BBS2: variants seen among roughly 807,000 people sequenced by gnomAD.
BBS2 encodes the protein Bardet-Biedl syndrome 2, also known as BBSome complex member BBS2.
A neutral mutation model predicts 83.0 loss-of-function variants in BBS2; 62 were observed. The ratio of observed to expected loss-of-function variants is 0.75; its 90% CI spans 0.61 to 0.92. BBS2 has a LOEUF of 0.92. Among genes scored for constraint, BBS2 ranks in the 40% least tolerant of loss-of-function variants. The pLI, the probability that BBS2 is intolerant of heterozygous loss-of-function variation, is 0.00. For missense variants in BBS2, 784 were observed against 901.0 expected (o/e 0.87, Z 1.66); for synonymous variants, 303 against 326.1 (o/e 0.93, Z 0.76).
intron 14 of BBS2, 183 bp downstream of exon 14, chr16:56,497,560 T>C: frequency 1.3e-6 from 1 of 752,028 alleles, no homozygotes; most frequent in Admixed American, 2.5e-5. Flanking sequence ...AGCTAAACAC[T>C]TCCTTTTATA....
chr16:56,475,823 T>G (rs562480119), intron 17 of BBS2, among the ~76,000 whole-genome samples: 20 of 152,302 alleles, frequency 1.3e-4, no homozygotes, highest in African/African-American at 4.6e-4. Context: ...TACAATGTAG[T>G]AAGAAATAAA....
rs552744655 is a variant in BBS2, at chr16:56,503,876, G to A, written c.805-1068C>T. The stretch of plus-strand genomic sequence containing the variant: ...GGAGGTTGCAGTGAGCCGAGATTGC[G>A]CCACTGCACTCCAGCCTGGGTGACA... On this transcript the variant is annotated intron_variant, in intron 7 of 16. Coordinates refer to ENST00000245157, the MANE Select transcript of BBS2 (RefSeq NM_031885.5). 1.5e-4 allele frequency among the ~76,000 whole-genome samples: 22 copies of A among 149,746 alleles called. No individual in the cohort carries two copies. The East Asian group carries it at 3.5e-3, about 24-fold the overall frequency.
At chr16:56,480,349 AC>A (rs1963630655), downstream of BBS2, among the ~76,000 whole-genome samples, 2 of 127,678 alleles carry the variant, frequency 1.6e-5, no homozygotes, top group Non-Finnish European at 1.6e-5. Context: ...ACACACACAC[AC>A]ACAAAAAAAA....
chr16:56,509,733 C>T (rs548494603), intron 5 of BBS2: 82 of 525,024 alleles, frequency 1.6e-4, no homozygotes, highest in African/African-American at 1.4e-3. Context: ...CAACTATATG[C>T]AATAATTTTT....
At chr16:56,490,140 AC>A (rs1327891317) in intron 15 of BBS2, among the ~76,000 whole-genome samples, 1 of 151,818 alleles carries the variant, frequency 6.6e-6, no homozygotes. Context: ...ACACACACAC[AC>A]ACACACACAA....
chr16:56,514,546 G>A lies in BBS2; in HGVS notation c.252C>T (p.Asn84=). ...AVSCLTAGVL[N]PELGYDALLV... ...AAAGGGCATCATAGCCAAGCTCAGG[G>A]TTCAATACGCCTGCAGTCAGACAGC... Residue 84 remains asparagine, a synonymous_variant, in exon 2 of 17, where the codon AAC becomes AAT. Transcript: ENST00000245157. 6.2e-7 allele frequency: 1 copy of A among 1,614,150 alleles called. No individual in the cohort carries two copies. The highest frequency in any genetic ancestry group is 8.5e-7 in the Non-Finnish European group (1 of 1,180,014).
chr16:56,501,028 G>A lies in BBS2; in HGVS notation c.1226-3C>T. On this transcript the variant is annotated splice_polypyrimidine_tract_variant and splice_region_variant and intron_variant, in intron 10 of 16. Coordinates refer to ENST00000245157, the MANE Select transcript of BBS2 (RefSeq NM_031885.5). ...CAATACTGCTCGGATGATGGTGTCTGCAGGGAAGAGTAAAAACAGTTTAAG... is the reference window on the plus strand; with the variant it reads ...CAATACTGCTCGGATGATGGTGTCTACAGGGAAGAGTAAAAACAGTTTAAG... The A allele has an allele frequency of 6.2e-7, 1 of 1,614,156 alleles. No homozygotes were observed. The highest frequency in any genetic ancestry group is 1.6e-4 in the Middle Eastern group (1 of 6,062).
downstream of BBS2, among the ~76,000 whole-genome samples, chr16:56,483,204 G>A (rs1963690403): frequency 6.6e-6 from 1 of 152,182 alleles, no homozygotes; most frequent in Admixed American, 6.5e-5. Flanking sequence ...CTAAGTATTT[G>A]TGTAATTATA....
chr16:56,498,432 A>G lies in BBS2; in HGVS notation c.1659+5T>C, dbSNP rs767182524. ...AAATCTATGCCCCGTGATATTAAAC[A>G]TTACCTCTCCACTAAGTTTTATTTT... On this transcript the variant is annotated splice_donor_5th_base_variant and intron_variant, in intron 13 of 16. Transcript: ENST00000245157. 1 of 1,613,910 alleles carries G rather than the reference A, an allele frequency of 6.2e-7. No individual in the cohort carries two copies. Among genetic ancestry groups the G allele is most frequent in the South Asian group, 1.1e-5 (1 of 91,060 alleles).
At chr16:56,511,319 C>T (rs778202612) in intron 2 of BBS2, 35 bp from the exon 3 acceptor site, 38 of 1,611,594 alleles carry the variant, frequency 2.4e-5, no homozygotes, top group East Asian at 8.9e-5. Flanking sequence ...ATCTTAGACA[C>T]GATAATATGC....
chr16:56,480,375 A>AC (rs1567561819), downstream of BBS2, among the ~76,000 whole-genome samples: 4 of 150,582 alleles, frequency 2.7e-5, no homozygotes, highest in African/African-American at 9.8e-5. Flanking sequence ...ACAAAAAAAA[A>AC]AACAAAGCTT....
At chr16:56,486,586 C>T (rs1307877997) in intron 15 of BBS2, among the ~76,000 whole-genome samples, 1 of 151,826 alleles carries the variant, frequency 6.6e-6, no homozygotes, top group East Asian at 1.9e-4. Context: ...TGAATGAAGC[C>T]AGACTCAAAA....
chr16:56,504,022 A>T (rs1322376589), intron 7 of BBS2, among the ~76,000 whole-genome samples: 1 of 152,224 alleles, frequency 6.6e-6, no homozygotes, highest in Non-Finnish European at 1.5e-5. Flanking sequence ...TCGATGACCA[A>T]TGCTACTCAC....
chr16:56,486,588 G>A (rs1389382191), intron 15 of BBS2, among the ~76,000 whole-genome samples: 1 of 152,032 alleles, frequency 6.6e-6, no homozygotes, highest in East Asian at 1.9e-4. Context: ...AATGAAGCCA[G>A]ACTCAAAAGG....
rs570325276 is a variant in BBS2, at chr16:56,511,589, T to G, written c.346-305A>C. 2.4e-3 allele frequency among the ~76,000 whole-genome samples: 367 copies of G among 152,286 alleles called. 6 individuals carry two copies. The highest frequency in any genetic ancestry group is 8.2e-3 in the African/African-American group (341 of 41,574). On this transcript the variant is annotated intron_variant, in intron 2 of 16. Transcript: ENST00000245157. Reference sequence around the variant, plus strand: ...AGCAGACAGCCTTTGTACTTGAGCTTCAACATCAATTCTCTCCTAGATCTC... The same window carrying G: ...AGCAGACAGCCTTTGTACTTGAGCTGCAACATCAATTCTCTCCTAGATCTC...
intron 5 of BBS2, among the ~76,000 whole-genome samples, chr16:56,508,193 T>A (rs1206917729): frequency 2.0e-4 from 30 of 152,350 alleles, no homozygotes; most frequent in Admixed American, 1.8e-3. Flanking sequence ...TATGTCAATG[T>A]GTAGGTTTTG....
At position 56,515,057 on chromosome 16, in the gene BBS2, G is replaced by A. The variant is rs1453757256; in HGVS notation, c.118-377C>T. Among the ~76,000 whole-genome samples, 8 of 152,210 alleles carry A rather than the reference G, an allele frequency of 5.3e-5. No homozygotes were observed. In the East Asian group the frequency reaches 1.5e-3, roughly 29 times the overall value. The stretch of plus-strand genomic sequence containing the variant: ...GATTGCCACACACCAAGAAGATCAT[G>A]GAAAACAGAATAAACACTTCCTTTA... On this transcript the variant is annotated intron_variant, in intron 1 of 16. Transcript: ENST00000245157.
At chr16:56,470,874 A>AAT in intron 17 of BBS2, 1 of 1,344,824 alleles carries the variant, frequency 7.4e-7, no homozygotes, top group Non-Finnish European at 1.0e-6. Flanking sequence ...ACATTTATTG[A>AAT]GCATCTACTG....
At chr16:56,474,972 G>A (rs769851127) in intron 17 of BBS2, 51 of 1,611,598 alleles carry the variant, frequency 3.2e-5, no homozygotes, top group East Asian at 3.1e-4. Context: ...GAAAGCAAGC[G>A]GTGGATTATT....
Sources: gnomAD v4.1 joint callset for allele counts (sites outside exome capture counted in the v4.1 genomes callset) on GRCh38, gnomAD v4.1.1 for gene constraint, MANE v1.5 for transcripts, NCBI Gene and HGNC (gene_info 2026-07-23, HGNC 2026-07-21) for gene names.